Variants in NFIB observed in about 807,000 individuals in gnomAD.
NFIB encodes nuclear factor I B, also known as nuclear factor 1 B-type.
NFIB carries 11 observed loss-of-function variants against 61.5 expected under a neutral mutation model. The observed-to-expected ratio is 0.18, with a 90% CI of 0.11 to 0.30. The LOEUF (loss-of-function observed/expected upper bound fraction) is 0.30. Ranked by LOEUF, NFIB falls within the 10% of genes least tolerant of loss-of-function variation. The pLI is 1.00. For missense variants in NFIB, 471 were observed against 608.9 expected, an observed-to-expected ratio of 0.77 and a Z score of 2.38; for synonymous variants, 260 against 216.5, an observed-to-expected ratio of 1.20 and a Z score of -1.76.
At chr9:14,158,776 G>C (rs555047299) in intron 3 of NFIB, among the ~76,000 whole-genome samples, 149 of 152,282 alleles carry the variant, frequency 9.8e-4, no homozygotes, top group Non-Finnish European at 1.9e-3. Flanking sequence ...ACATGAGAAA[G>C]AGTAATGATT....
the NFIB span, among the ~76,000 whole-genome samples, chr9:14,491,745 C>A: frequency 3.3e-5 from 5 of 152,278 alleles, no homozygotes; most frequent in Admixed American, 1.3e-4. Flanking sequence ...AAGCCTCCCC[C>A]CTCCATTTTT....
At chr9:14,220,223 T>C (rs1327079973) in intron 2 of NFIB, among the ~76,000 whole-genome samples, 1 of 152,202 alleles carries the variant, frequency 6.6e-6, no homozygotes, top group Non-Finnish European at 1.5e-5. Context: ...TTTAATCTCA[T>C]TAGTTATTAT....
At chr9:14,346,415 C>G (rs1564022276) in intron 1 of NFIB, among the ~76,000 whole-genome samples, 2 of 151,636 alleles carry the variant, frequency 1.3e-5, no homozygotes, top group South Asian at 2.1e-4. Flanking sequence ...GTGGAAAAAT[C>G]TAGGCTAAGC....
chr9:14,475,017 C>G, the NFIB span, among the ~76,000 whole-genome samples: 1 of 152,186 alleles, frequency 6.6e-6, no homozygotes, highest in Non-Finnish European at 1.5e-5. Context: ...TCAACTGAAT[C>G]AAATGCTAAT....
At chr9:14,195,082 T>C (rs1417580182) in intron 2 of NFIB, among the ~76,000 whole-genome samples, 1 of 152,042 alleles carries the variant, frequency 6.6e-6, no homozygotes, top group East Asian at 1.9e-4. Context: ...CCCCAGAGAA[T>C]GCTAACTGGG....
At chr9:14,236,948 G>A (rs989294423) in intron 2 of NFIB, among the ~76,000 whole-genome samples, 2 of 151,950 alleles carry the variant, frequency 1.3e-5, no homozygotes, top group East Asian at 1.9e-4. Flanking sequence ...CCTTACTGGA[G>A]GGCTTCCAGA....
At chr9:14,486,510 G>A in the NFIB span, among the ~76,000 whole-genome samples, 3 of 152,294 alleles carry the variant, frequency 2.0e-5, no homozygotes, top group African/African-American at 4.8e-5. Context: ...AATGCAAACG[G>A]AAGTACCTGA....
At chr9:14,409,648 C>G in the NFIB span, among the ~76,000 whole-genome samples, 183 of 152,306 alleles carry the variant, frequency 1.2e-3, no homozygotes, top group African/African-American at 4.2e-3. Context: ...TCACCTTTCC[C>G]CACTTTTGCT....
chr9:14,227,191 A>ATTC (rs1178633497), intron 2 of NFIB, among the ~76,000 whole-genome samples: 3 of 151,988 alleles, frequency 2.0e-5, no homozygotes, highest in African/African-American at 7.2e-5. Flanking sequence ...AAAGAAATAT[A>ATTC]TTCTAAACAT....
intron 1 of NFIB, among the ~76,000 whole-genome samples, chr9:14,388,790 GT>G (rs1208804652): frequency 6.6e-6 from 1 of 152,166 alleles, no homozygotes. Context: ...GTGGCAATAA[GT>G]TTATGTGTTC....
intron 1 of NFIB, among the ~76,000 whole-genome samples, chr9:14,374,953 C>T (rs961650115): frequency 1.3e-5 from 2 of 151,904 alleles, no homozygotes; most frequent in African/African-American, 4.8e-5. Flanking sequence ...TAATTAAAAA[C>T]AAAACAAAAA....
intron 1 of NFIB, among the ~76,000 whole-genome samples, chr9:14,365,749 G>C (rs2061292296): frequency 1.3e-5 from 2 of 152,178 alleles, no homozygotes; most frequent in Non-Finnish European, 2.9e-5. Flanking sequence ...TCCTAGTATA[G>C]GGGAAGTTTT....
At chr9:14,175,602 T>C (rs996595842) in intron 3 of NFIB, among the ~76,000 whole-genome samples, 7 of 152,240 alleles carry the variant, frequency 4.6e-5, no homozygotes, top group Non-Finnish European at 7.3e-5. Context: ...GGTGGCTTAC[T>C]TGAGGTACAC....
At chr9:14,200,553 A>C (rs1198179495) in intron 2 of NFIB, among the ~76,000 whole-genome samples, 3 of 152,168 alleles carry the variant, frequency 2.0e-5, no homozygotes, top group Non-Finnish European at 4.4e-5. Flanking sequence ...TGACTTTCCC[A>C]GACTCTACTT....
chr9:14,516,666 C>G, the NFIB span, among the ~76,000 whole-genome samples: 5 of 152,288 alleles, frequency 3.3e-5, no homozygotes, highest in Admixed American at 2.0e-4. Flanking sequence ...ATTAATACTT[C>G]CACATTAAAT....
chr9:14,115,565 A>G (rs2037998686), intron 9 of NFIB, among the ~76,000 whole-genome samples: 1 of 151,956 alleles, frequency 6.6e-6, no homozygotes. Context: ...TTATGGCCAC[A>G]CTAAAAAGCA....
the NFIB span, among the ~76,000 whole-genome samples, chr9:14,433,887 T>TGTA: frequency 6.6e-6 from 1 of 152,208 alleles, no homozygotes; most frequent in Non-Finnish European, 1.5e-5. Flanking sequence ...GTTGTTTAGA[T>TGTA]GTAATACAGC....
At chr9:14,201,063 C>T (rs1587549400) in intron 2 of NFIB, among the ~76,000 whole-genome samples, 1 of 152,170 alleles carries the variant, frequency 6.6e-6, no homozygotes, top group African/African-American at 2.4e-5. Flanking sequence ...CCTTTCAAGC[C>T]TATTTCCCCA....
At chr9:14,458,688 T>A in the NFIB span, among the ~76,000 whole-genome samples, 1 of 152,292 alleles carries the variant, frequency 6.6e-6, no homozygotes, top group East Asian at 1.9e-4. Flanking sequence ...ACAAAATCAA[T>A]GTACAAAAAT....
Sources: allele counts gnomAD v4.1 joint callset (sites outside exome capture counted in the v4.1 genomes callset), GRCh38; gene constraint gnomAD v4.1.1; transcripts MANE v1.5; gene names NCBI Gene and HGNC (gene_info 2026-07-23, HGNC 2026-07-21).